KIF11: variants seen among roughly 807,000 people sequenced by gnomAD.
KIF11 encodes the protein kinesin family member 11, also known as kinesin-like protein KIF11.
A neutral mutation model predicts 121.0 loss-of-function variants in KIF11; 9 were observed. The observed-to-expected ratio is 0.07, with a 90% CI of 0.04 to 0.13. KIF11 has a LOEUF of 0.13. Among genes scored for constraint, KIF11 ranks in the 10% least tolerant of loss-of-function variants. KIF11 has a pLI of 1.00. For synonymous variants in KIF11, 408 were observed against 421.0 expected, an observed-to-expected ratio of 0.97 and a Z score of 0.38; for missense variants, 846 against 1,217.5, an observed-to-expected ratio of 0.69 and a Z score of 4.54.
At chr10:92,619,051 CTG>C (rs1844591597) in intron 9 of KIF11, among the ~76,000 whole-genome samples, 1 of 152,164 alleles carries the variant, frequency 6.6e-6, no homozygotes, top group Non-Finnish European at 1.5e-5. Context: ...GAGTCTCACT[CTG>C]TTGCCCAGGC....
intron 5 of KIF11, 29 bp from the exon 6 acceptor site, chr10:92,609,356 A>G: frequency 1.3e-6 from 2 of 1,588,764 alleles, no homozygotes; most frequent in Non-Finnish European, 1.7e-6. Context: ...TAACCAATCT[A>G]ATGGATGTTC....
chr10:92,610,944 A>T (rs1197533092), intron 6 of KIF11, among the ~76,000 whole-genome samples: 2 of 152,158 alleles, frequency 1.3e-5, no homozygotes, highest in Non-Finnish European at 2.9e-5. Flanking sequence ...ACTTAATTTC[A>T]TGTAGAATTT....
chr10:92,593,999 G>T (rs1270442049), intron 1 of KIF11, among the ~76,000 whole-genome samples: 3 of 152,108 alleles, frequency 2.0e-5, no homozygotes, highest in African/African-American at 7.2e-5. Context: ...TTTCATCTGC[G>T]TGTTTGTTCA....
intron 1 of KIF11, among the ~76,000 whole-genome samples, chr10:92,604,800 A>G (rs1413446461): frequency 2.0e-5 from 3 of 152,200 alleles, no homozygotes; most frequent in African/African-American, 7.2e-5. Context: ...TGGCCCAGAC[A>G]TGTATTGAGT....
At chr10:92,611,226 T>G (rs1589592831) in intron 6 of KIF11, among the ~76,000 whole-genome samples, 1 of 151,932 alleles carries the variant, frequency 6.6e-6, no homozygotes, top group African/African-American at 2.4e-5. Context: ...ATTATTATTA[T>G]TTTTGAGACA....
chr10:92,609,613 C>T (rs978410816), intron 6 of KIF11, 104 bp downstream of exon 6: 1 of 1,071,930 alleles, frequency 9.3e-7, no homozygotes, highest in Non-Finnish European at 1.3e-6. Flanking sequence ...GGGTCACGTA[C>T]CTAGAGTTTG....
Position 92,653,905 on chromosome 10 carries a change from C to T in KIF11, c.*109C>T, listed in dbSNP as rs1029743300. Reference sequence around the variant, plus strand: ...ATTTTAAAAGAATATATATATCAGCCGGGCGCGGTGGCTCATGCCTGTAAT... The same window carrying T: ...ATTTTAAAAGAATATATATATCAGCTGGGCGCGGTGGCTCATGCCTGTAAT... On this transcript the variant is annotated 3_prime_UTR_variant, in exon 22 of 22. Transcript: ENST00000260731. 4 of 965,668 alleles carry T rather than the reference C, an allele frequency of 4.1e-6. No individual in the cohort carries two copies. The highest frequency in any genetic ancestry group is 5.7e-5 in the Admixed American group (2 of 34,888). 59.8% of individuals were successfully genotyped at this position (965,668 alleles called of 1,614,324 possible). A position where few individuals can be genotyped will look rare whatever the true frequency, so the allele number is the denominator to read the frequency against.
chr10:92,616,431 C>G (rs1050637831), intron 8 of KIF11, among the ~76,000 whole-genome samples: 17 of 151,962 alleles, frequency 1.1e-4, no homozygotes, highest in Non-Finnish European at 2.9e-5. Context: ...AATTCCTGGG[C>G]TCAAGTGACC....
chr10:92,637,231 C>T lies in KIF11; in HGVS notation c.1923C>T (p.Ser641=). 6.3e-7 allele frequency: 1 copy of T among 1,585,508 alleles called. No individual in the cohort carries two copies. Among genetic ancestry groups the T allele is most frequent in the Non-Finnish European group, 8.5e-7 (1 of 1,172,996 alleles). The change falls in exon 15 of 22, where the codon TCC becomes TCT. Residue 641 remains serine, a synonymous_variant. Coordinates refer to ENST00000260731, the MANE Select transcript of KIF11 (RefSeq NM_004523.4). ...DLLSSLEMIL[S]PTVVSILKIN... Reference sequence around the variant, plus strand: ...TAAGTTCACTGGAAATGATTTTATCCCCAACTGTGGTGTCTATACTGAAAA... The same window carrying T: ...TAAGTTCACTGGAAATGATTTTATCTCCAACTGTGGTGTCTATACTGAAAA...
chr10:92,609,544 T>C (rs377385042), intron 6 of KIF11, 35 bp downstream of exon 6: 8 of 1,568,484 alleles, frequency 5.1e-6, no homozygotes, highest in Non-Finnish European at 6.9e-6. Context: ...TAGCCCCATT[T>C]TCTTTTAAGA....
In KIF11 at chr10:92,651,507, G is replaced by GTATTTTTTTTTTTT. The variant is rs1554863366; in HGVS notation, c.3039+991_3039+992insATTTTTTTTTTTTT. Among the ~76,000 whole-genome samples the GTATTTTTTTTTTTT allele has an allele frequency of 2.2e-3, 119 of 52,970 alleles. 32 individuals are homozygous for GTATTTTTTTTTTTT. Among genetic ancestry groups the GTATTTTTTTTTTTT allele is most frequent in the East Asian group, 4.6e-3 (5 of 1,084 alleles). The allele number at this position is 52,970 out of a possible 152,430, so 34.8% of individuals were successfully genotyped here. On this transcript the variant is annotated intron_variant, in intron 21 of 21. Transcript: ENST00000260731. ...TGTGCCACCATGCCTGGCTAATTTT[G>GTATTTTTTTTTTTT]TTTTTTTTTTTTTTTTTTTTTTTTT...
chr10:92,598,679 G>C (rs1232511733), intron 1 of KIF11, among the ~76,000 whole-genome samples: 1 of 152,184 alleles, frequency 6.6e-6, no homozygotes, highest in East Asian at 1.9e-4. Flanking sequence ...ATCACTTTGG[G>C]TAGTATTGGC....
intron 8 of KIF11, among the ~76,000 whole-genome samples, chr10:92,614,283 G>C (rs1844530222): frequency 6.6e-6 from 1 of 152,058 alleles, no homozygotes; most frequent in South Asian, 2.1e-4. Context: ...TTTTAGTAGA[G>C]ACGTGGTTTC....
chr10:92,604,871 C>T (rs1844411648), intron 1 of KIF11, among the ~76,000 whole-genome samples: 1 of 152,044 alleles, frequency 6.6e-6, no homozygotes, highest in Non-Finnish European at 1.5e-5. Context: ...CATAATTCCT[C>T]TTAGGATGAC....
chr10:92,609,213 A>C lies in KIF11; in HGVS notation c.573+8A>C, dbSNP rs369075345. On this transcript the variant is annotated splice_region_variant and intron_variant, in intron 5 of 21. Coordinates refer to ENST00000260731, the MANE Select transcript of KIF11 (RefSeq NM_004523.4). ...GATGATCCCCGTAACAAGGTAATTC[A>C]GTCTTTGAGAATGAAATGTCTCTGA... The C allele has an allele frequency of 1.4e-5, 21 of 1,551,854 alleles. No homozygotes were observed. Among genetic ancestry groups the C allele is most frequent in the Non-Finnish European group, 1.7e-5 (19 of 1,148,276 alleles).
At chr10:92,621,608 G>A in intron 10 of KIF11, 135 bp downstream of exon 10, 1 of 582,356 alleles carries the variant, frequency 1.7e-6, no homozygotes, top group Non-Finnish European at 3.1e-6. Context: ...GTGTGTGTGT[G>A]TGTTTTCTTT....
intron 6 of KIF11, among the ~76,000 whole-genome samples, chr10:92,612,768 C>T (rs770032894): frequency 6.6e-6 from 1 of 152,194 alleles, no homozygotes; most frequent in Non-Finnish European, 1.5e-5. Flanking sequence ...CGACCCCACC[C>T]ACATCCAGCT....
At chr10:92,653,542 T>G in intron 21 of KIF11, 123 bp from the exon 22 acceptor site, 1 of 831,670 alleles carries the variant, frequency 1.2e-6, no homozygotes, top group Non-Finnish European at 1.8e-6. Context: ...TGCTGAACCT[T>G]TTTTGGTTTT....
chr10:92,604,135 G>C lies in KIF11; in HGVS notation c.78-2130G>C, dbSNP rs147162402. Among the ~76,000 whole-genome samples, 29 of 152,272 alleles carry C rather than the reference G, an allele frequency of 1.9e-4. No homozygotes were observed. The East Asian group carries it at 3.7e-3, about 19-fold the overall frequency. On this transcript the variant is annotated intron_variant, in intron 1 of 21. Coordinates refer to ENST00000260731, the MANE Select transcript of KIF11 (RefSeq NM_004523.4). ...ATTGATGGATTTGTTAGTGTGAGCA[G>C]CCGAAACTTTGCAATTTCTAATAAG...
Sources: gnomAD v4.1 joint callset for allele counts (sites outside exome capture counted in the v4.1 genomes callset) on GRCh38, gnomAD v4.1.1 for gene constraint, MANE v1.5 for transcripts, NCBI Gene and HGNC (gene_info 2026-07-23, HGNC 2026-07-21) for gene names.